Variants in MAP4K3 observed in about 807,000 individuals in gnomAD.
MAP4K3 encodes the protein MAPK/ERK kinase kinase kinase 3.
A neutral mutation model predicts 143.5 loss-of-function variants in MAP4K3; 94 were observed. The observed-to-expected ratio is 0.65, with a 90% CI of 0.55 to 0.78. The LOEUF is 0.78. Among genes scored for constraint, MAP4K3 ranks in the 30% least tolerant of loss-of-function variants. The pLI, the probability that MAP4K3 is intolerant of heterozygous loss-of-function variation, is 0.00. For missense variants in MAP4K3, 1,077 were observed against 1,068.1 expected (o/e 1.01, Z -0.12); for synonymous variants, 416 against 347.2 (o/e 1.20, Z -2.20).
intron 1 of MAP4K3, among the ~76,000 whole-genome samples, chr2:39,404,278 G>A (rs1247417180): frequency 6.6e-6 from 1 of 151,478 alleles, no homozygotes; most frequent in Non-Finnish European, 1.5e-5. Flanking sequence ...TGGACTCTTG[G>A]AGTCCCTGAT....
At chr2:39,377,201 CT>C (rs56149359) in intron 2 of MAP4K3, among the ~76,000 whole-genome samples, 1,423 of 110,604 alleles carry the variant, frequency 0.013, 30 homozygotes, top group East Asian at 0.035. Flanking sequence ...GCTATTTGGC[CT>C]TTTTTTTTTT....
chr2:39,354,341 G>C (rs1389702328), intron 3 of MAP4K3, among the ~76,000 whole-genome samples: 1 of 152,190 alleles, frequency 6.6e-6, no homozygotes, highest in Non-Finnish European at 1.5e-5. Flanking sequence ...CTACTCGGAA[G>C]GTGAGGCAGG....
chr2:39,265,140 A>G, intron 28 of MAP4K3, 63 bp downstream of exon 28: 1 of 1,082,332 alleles, frequency 9.2e-7, no homozygotes, highest in East Asian at 2.4e-5. Context: ...ATGTTTCTTT[A>G]AAGAACAGTA....
chr2:39,302,351 T>C (rs1682546449), intron 15 of MAP4K3, among the ~76,000 whole-genome samples: 1 of 152,232 alleles, frequency 6.6e-6, no homozygotes, highest in South Asian at 2.1e-4. Context: ...AGTAAAATAT[T>C]ACTTTAAATC....
intron 3 of MAP4K3, among the ~76,000 whole-genome samples, chr2:39,351,204 C>G (rs1169402683): frequency 6.6e-6 from 1 of 152,202 alleles, no homozygotes; most frequent in African/African-American, 2.4e-5. Flanking sequence ...CTCTCAGGCT[C>G]TAATGTGAGA....
In MAP4K3 at chr2:39,436,945, C is replaced by G; in HGVS notation, c.43G>C (p.Asp15His). The G allele has an allele frequency of 6.2e-7, 1 of 1,612,814 alleles. No individual in the cohort carries two copies. The highest frequency in any genetic ancestry group is 8.5e-7 in the Non-Finnish European group (1 of 1,179,448). The change falls in exon 1 of 34, where the codon GAC becomes CAC. Residue 15 changes from aspartate (D) to histidine (H), a missense_variant. Asp to His is a moderately conservative substitution (Grantham distance 81). This residue lies in a region of MAP4K3 where 213 missense variants were observed against 266.8 expected (regional missense o/e 0.80). Coordinates refer to ENST00000263881, the MANE Select transcript of MAP4K3 (RefSeq NM_003618.4). Reference sequence around the variant, plus strand: ...CCGATGCGCTGAATCAGCTCGAAGTCCTCCTGCGGGTTCCGGCGGGACAAA... The same window carrying G: ...CCGATGCGCTGAATCAGCTCGAAGTGCTCCTGCGGGTTCCGGCGGGACAAA... ...FDLSRRNPQEDFELIQRIGSG... is the reference protein window; with the variant it reads ...FDLSRRNPQEHFELIQRIGSG...
chr2:39,332,291 A>G (rs1449930582), intron 7 of MAP4K3, among the ~76,000 whole-genome samples: 1 of 152,018 alleles, frequency 6.6e-6, no homozygotes, highest in Non-Finnish European at 1.5e-5. Flanking sequence ...AAATTGCCAA[A>G]CTTATTAATA....
chr2:39,285,581 TTA>T (rs1269614637), intron 21 of MAP4K3, among the ~76,000 whole-genome samples: 1 of 152,168 alleles, frequency 6.6e-6, no homozygotes. Context: ...ACCAAATACT[TTA>T]TGTGAATTTT....
intron 24 of MAP4K3, among the ~76,000 whole-genome samples, chr2:39,273,498 A>G (rs1038967101): frequency 6.6e-6 from 1 of 150,562 alleles, no homozygotes; most frequent in Non-Finnish European, 1.5e-5. Context: ...AAGTTACTCC[A>G]AAACTAATTG....
intron 1 of MAP4K3, among the ~76,000 whole-genome samples, chr2:39,430,025 T>G (rs1166156149): frequency 2.0e-5 from 3 of 152,158 alleles, no homozygotes; most frequent in African/African-American, 7.2e-5. Context: ...TGTGGGTGGG[T>G]GGTATTTATG....
At chr2:39,329,834 GACTTCCCAA>G (rs1558649874) in intron 8 of MAP4K3, among the ~76,000 whole-genome samples, 1 of 152,076 alleles carries the variant, frequency 6.6e-6, no homozygotes, top group Non-Finnish European at 1.5e-5. Context: ...GTTTACACCC[GACTTCCCAA>G]ACAAAAAGAG....
chr2:39,359,220 G>C (rs542241500), intron 2 of MAP4K3, among the ~76,000 whole-genome samples: 1 of 152,256 alleles, frequency 6.6e-6, no homozygotes, highest in African/African-American at 2.4e-5. Flanking sequence ...TTGCAAGTCT[G>C]AAATCCAACA....
At chr2:39,431,399 G>T (rs764231455) in intron 1 of MAP4K3, among the ~76,000 whole-genome samples, 4 of 152,140 alleles carry the variant, frequency 2.6e-5, no homozygotes, top group Non-Finnish European at 5.9e-5. Flanking sequence ...TCATTCTAAA[G>T]ATTCACTTTC....
chr2:39,391,220 G>A (rs930295662), intron 1 of MAP4K3, among the ~76,000 whole-genome samples: 18 of 151,652 alleles, frequency 1.2e-4, no homozygotes, highest in Non-Finnish European at 2.4e-4. Flanking sequence ...TTAGCCGGGC[G>A]TGGTGGCGGG....
At chr2:39,429,064 C>CTAA in intron 1 of MAP4K3, among the ~76,000 whole-genome samples, 1 of 60,098 alleles carries the variant, frequency 1.7e-5, no homozygotes, top group Non-Finnish European at 2.7e-5. Flanking sequence ...GACTCCGTCT[C>CTAA]AAAAAAAAAA....
chr2:39,251,404 C>T (rs981674899), intron 33 of MAP4K3, among the ~76,000 whole-genome samples: 1 of 152,214 alleles, frequency 6.6e-6, no homozygotes, highest in African/African-American at 2.4e-5. Flanking sequence ...AAATCTTTTA[C>T]TGAAGCTATG....
Position 39,315,297 on chromosome 2 carries a change from A to C in MAP4K3, c.997+13T>G. The C allele has an allele frequency of 6.6e-7, 1 of 1,515,606 alleles. No individual in the cohort carries two copies. Among genetic ancestry groups the C allele is most frequent in the Non-Finnish European group, 9.1e-7 (1 of 1,095,318 alleles). The allele number at this position is 1,515,606 out of a possible 1,614,324, so 93.9% of individuals were successfully genotyped here. A position where few individuals can be genotyped will look rare whatever the true frequency, so the allele number is the denominator to read the frequency against. ...TATCATTAAATCATAAACTGTGTAT[A>C]GTATATACTTACAGGTTATCTCTGA... On this transcript the variant is annotated intron_variant, in intron 13 of 33. Coordinates refer to ENST00000263881, the MANE Select transcript of MAP4K3 (RefSeq NM_003618.4).
In MAP4K3 at chr2:39,265,449, T is replaced by C. The variant is rs1680727869; in HGVS notation, c.2033-143A>G. On this transcript the variant is annotated intron_variant, in intron 27 of 33. Coordinates refer to ENST00000263881, the MANE Select transcript of MAP4K3 (RefSeq NM_003618.4). ...CTGGTTGCCAGTTCAGTTTCTTAATTAGAGGGCTGGGTGAAAAAAATACTG... is the reference window on the plus strand; with the variant it reads ...CTGGTTGCCAGTTCAGTTTCTTAATCAGAGGGCTGGGTGAAAAAAATACTG... 6 of 687,542 alleles carry C rather than the reference T, an allele frequency of 8.7e-6. No homozygotes were observed. The South Asian group carries it at 9.8e-5, about 11-fold the overall frequency. 42.6% of individuals were successfully genotyped at this position (687,542 alleles called of 1,614,324 possible).
At chr2:39,294,513 T>C (rs1248043960) in intron 16 of MAP4K3, among the ~76,000 whole-genome samples, 1 of 152,208 alleles carries the variant, frequency 6.6e-6, no homozygotes, top group East Asian at 1.9e-4. Flanking sequence ...GGAGCTTCTG[T>C]CTAGAGGCAC....
Sources: allele counts gnomAD v4.1 joint callset (sites outside exome capture counted in the v4.1 genomes callset), GRCh38; gene constraint gnomAD v4.1.1; regional missense constraint gnomAD v4.1.1; transcripts MANE v1.5; gene names NCBI Gene and HGNC (gene_info 2026-07-23, HGNC 2026-07-21).